The following STKLD1 variants were observed in gnomAD, a reference collection of about 807,000 sequenced individuals.
STKLD1 encodes the protein serine/threonine kinase like domain containing 1.
In STKLD1, 79 loss-of-function variants were observed where a neutral mutation model predicts 80.4. The observed-to-expected ratio is 0.98, with a 90% CI of 0.82 to 1.19. STKLD1 has a LOEUF of 1.19. STKLD1 is among the 50% of genes most tolerant of loss of function. The pLI is 0.00. For synonymous variants in STKLD1, 393 were observed against 357.6 expected (o/e 1.10, Z -1.12); for missense variants, 841 against 856.0 (o/e 0.98, Z 0.22).
intron 2 of STKLD1, among the ~76,000 whole-genome samples, chr9:133,383,294 G>GA (rs1374172249): frequency 0.026 from 24 of 928 alleles, 2 homozygotes; most frequent in South Asian, 0.077. Flanking sequence ...GTGTGATGAT[G>GA]TGATGGTGGT....
At chr9:133,404,724 T>A in intron 16 of STKLD1, 65 bp from the exon 17 acceptor site, 1 of 1,582,210 alleles carries the variant, frequency 6.3e-7, no homozygotes, top group Non-Finnish European at 8.5e-7. Flanking sequence ...CATCCCGTCC[T>A]GGGCAGAAGG....
At position 133,376,487 on chromosome 9, in the gene STKLD1, G is replaced by A. The variant is rs1274678136; in HGVS notation, c.14G>A (p.Gly5Glu). 13 of 1,593,584 alleles carry A rather than the reference G, an allele frequency of 8.2e-6. No individual in the cohort carries two copies. The highest frequency in any genetic ancestry group is 1.8e-5 in the Admixed American group (1 of 56,788). The change falls in exon 1 of 18, where the codon GGG becomes GAG. Residue 5 changes from glycine to glutamate, a missense_variant. Physicochemically the swap from Gly to Glu is moderately conservative, Grantham distance 98. Transcript: ENST00000371957. MLGPGSNRRRPTQGE... is the reference protein window; with the variant it reads MLGPESNRRRPTQGE... ...TCGCTACTGATCATGCTTGGGCCAG[G>A]GTCCAATCGCAGGCGCCCCACGCAG...
intron 2 of STKLD1, among the ~76,000 whole-genome samples, chr9:133,383,316 T>TGATGGTGATG (rs1306548726): frequency 1.7e-3 from 1 of 604 alleles, no homozygotes; most frequent in Non-Finnish European, 3.2e-3. Flanking sequence ...ATGGTGGTGG[T>TGATGGTGATG]GTGATGATGG....
At chr9:133,399,632 T>A (rs887933498) in intron 11 of STKLD1, among the ~76,000 whole-genome samples, 1 of 152,108 alleles carries the variant, frequency 6.6e-6, no homozygotes, top group Non-Finnish European at 1.5e-5. Context: ...TCCCAGCACT[T>A]TGGGAGGGGC....
chr9:133,387,628 C>T (rs1011057143), intron 5 of STKLD1, 80 bp downstream of exon 5: 10 of 1,119,972 alleles, frequency 8.9e-6, no homozygotes, highest in Middle Eastern at 1.9e-4. Context: ...AAAGTAACAG[C>T]GGGAGGGCAG....
Position 133,389,396 on chromosome 9 carries a change from C to A in STKLD1, c.397-130C>A. Reference sequence around the variant, plus strand: ...AGCCTCCTCCACCCTGAGCGCTTGGCTGGCTTCAGGCCTGTCTCAAGATGC... The same window carrying A: ...AGCCTCCTCCACCCTGAGCGCTTGGATGGCTTCAGGCCTGTCTCAAGATGC... On this transcript the variant is annotated intron_variant, in intron 5 of 17. Coordinates refer to ENST00000371957, the MANE Select transcript of STKLD1 (RefSeq NM_153710.5). This position sits in a 1 kb window ranked among gnomAD's most constrained non-coding sequence, Gnocchi z 6.4. 6.8e-7 allele frequency: 1 copy of A among 1,465,632 alleles called. No homozygotes were observed. The highest frequency in any genetic ancestry group is 9.1e-7 in the Non-Finnish European group (1 of 1,104,414). The allele number at this position is 1,465,632 out of a possible 1,614,324, so 90.8% of individuals were successfully genotyped here.
At chr9:133,405,024 T>G (rs1232677866) in intron 17 of STKLD1, 95 bp downstream of exon 17, 2 of 1,522,402 alleles carry the variant, frequency 1.3e-6, no homozygotes, top group Admixed American at 2.1e-5. Flanking sequence ...ACATGGAAGG[T>G]GGGCTCAACC....
chr9:133,395,947 T>C (rs1554776681), intron 9 of STKLD1, 184 bp downstream of exon 9: 2 of 609,146 alleles, frequency 3.3e-6, no homozygotes, highest in Non-Finnish European at 5.6e-6. Context: ...CTGCGGCGAG[T>C]AATCCCGAAT....
rs986174625 is a variant in STKLD1, at chr9:133,379,104, C to G, written c.156C>G (p.Val52=). The change falls in exon 2 of 18, where the codon GTC becomes GTG. Residue 52 remains valine, a synonymous_variant. Transcript: ENST00000371957. ...TGGTGGAGGAAATGGAAACCAAAGT[C>G]AAGCATGTGATAAAGCAGGTAAGAG... The part of the protein sequence containing the change: ...NLVVEEMETK[V]KHVIKQVECM... 3.1e-6 allele frequency: 5 copies of G among 1,613,880 alleles called. No homozygotes were observed. The highest frequency in any genetic ancestry group is 1.1e-5 in the South Asian group (1 of 91,060).
intron 12 of STKLD1, among the ~76,000 whole-genome samples, chr9:133,401,199 C>CA (rs1171401911): frequency 1.2e-4 from 18 of 147,204 alleles, no homozygotes; most frequent in Admixed American, 5.4e-4. Flanking sequence ...AGTGCAGTGG[C>CA]GCACTCTCGG....
Position 133,405,508 on chromosome 9 carries a change from G to A in STKLD1, c.*87G>A, listed in dbSNP as rs2130696065. The A allele has an allele frequency of 7.3e-7, 1 of 1,369,706 alleles. No homozygotes were observed. Among genetic ancestry groups the A allele is most frequent in the Non-Finnish European group, 9.8e-7 (1 of 1,024,604 alleles). The allele number at this position is 1,369,706 out of a possible 1,614,324, so 84.8% of individuals were successfully genotyped here. A position where few individuals can be genotyped will look rare whatever the true frequency, so the allele number is the denominator to read the frequency against. On this transcript the variant is annotated 3_prime_UTR_variant, in exon 18 of 18. Coordinates refer to ENST00000371957, the MANE Select transcript of STKLD1 (RefSeq NM_153710.5). ...TGCCTATTATCCCATCTCTATGACT[G>A]GGCCAAAATCAATCTTAAACGGGAG...
chr9:133,395,420 T>C (rs1266696101), intron 8 of STKLD1, among the ~76,000 whole-genome samples, 180 bp from the exon 9 acceptor site: 1 of 152,200 alleles, frequency 6.6e-6, no homozygotes, highest in African/African-American at 2.4e-5. Flanking sequence ...AAACTCCATT[T>C]CTTCTTATGG....
At position 133,395,599 on chromosome 9, in the gene STKLD1, G is replaced by A. The variant is rs782246107; in HGVS notation, c.703-1G>A. 6.2e-7 allele frequency: 1 copy of A among 1,612,718 alleles called. No homozygotes were observed. Among genetic ancestry groups the A allele is most frequent in the South Asian group, 1.1e-5 (1 of 91,058 alleles). On this transcript the variant is annotated splice_acceptor_variant, in intron 8 of 17. Transcript: ENST00000371957. LOFTEE classifies it high-confidence loss of function. ...CACAGAGCTGTCCTCTCTCCGTGCAGGGCACAGAAGCCATGCATCTGCGGA... is the reference window on the plus strand; with the variant it reads ...CACAGAGCTGTCCTCTCTCCGTGCAAGGCACAGAAGCCATGCATCTGCGGA...
chr9:133,404,096 A>C (rs375374335), intron 16 of STKLD1, 48 bp downstream of exon 16: 2 of 1,514,754 alleles, frequency 1.3e-6, no homozygotes, highest in African/African-American at 2.8e-5. Context: ...TGGGGGCAAG[A>C]ATCAGCCCCC....
intron 1 of STKLD1, among the ~76,000 whole-genome samples, chr9:133,378,820 C>T (rs1470160930): frequency 2.0e-5 from 3 of 152,216 alleles, no homozygotes; most frequent in African/African-American, 7.2e-5. Flanking sequence ...AGAAGAGCTC[C>T]AGAATCGGCC....
Position 133,389,666 on chromosome 9 carries a change from G to A in STKLD1, c.467+70G>A. 1 of 1,597,808 alleles carries A rather than the reference G, an allele frequency of 6.3e-7. No individual in the cohort carries two copies. Reference sequence around the variant, plus strand: ...GAGAAAAGGCACTGAGGCCACTCGGGTGCCAGTGCCCGTGGGCAGGATCTG... The same window carrying A: ...GAGAAAAGGCACTGAGGCCACTCGGATGCCAGTGCCCGTGGGCAGGATCTG... On this transcript the variant is annotated intron_variant, in intron 6 of 17. Coordinates refer to ENST00000371957, the MANE Select transcript of STKLD1 (RefSeq NM_153710.5). This position sits in a 1 kb window ranked among gnomAD's most constrained non-coding sequence, Gnocchi z 6.4.
At chr9:133,387,608 G>T in intron 5 of STKLD1, 60 bp downstream of exon 5, 1 of 1,346,842 alleles carries the variant, frequency 7.4e-7, no homozygotes. Context: ...CAGGCCCTGC[G>T]GTGCAGGGCA....
At chr9:133,388,682 C>T (rs1781127581) in intron 5 of STKLD1, 3 of 901,594 alleles carry the variant, frequency 3.3e-6, no homozygotes, top group East Asian at 1.2e-4. Flanking sequence ...CATGAAGATA[C>T]TCTCCTCTGT....
Position 133,405,467 on chromosome 9 carries a change from A to C in STKLD1, c.*46A>C. ...TTGATCTCCACGTGTATAGTTTTCA[A>C]GACTGCTCTCCTGCCTGCCTATTAT... On this transcript the variant is annotated 3_prime_UTR_variant, in exon 18 of 18. Coordinates refer to ENST00000371957, the MANE Select transcript of STKLD1 (RefSeq NM_153710.5). 1 of 1,534,996 alleles carries C rather than the reference A, an allele frequency of 6.5e-7. No homozygotes were observed. Among genetic ancestry groups the C allele is most frequent in the African/African-American group, 1.4e-5 (1 of 72,904 alleles).
Sources: gnomAD v4.1 joint callset for allele counts (sites outside exome capture counted in the v4.1 genomes callset) on GRCh38, gnomAD v4.1.1 for gene constraint, Gnocchi (gnomAD v3.1) non-coding constraint, MANE v1.5 for transcripts, NCBI Gene and HGNC (gene_info 2026-07-23, HGNC 2026-07-21) for gene names.